The following TMIGD3 variants were observed in gnomAD, a reference collection of about 807,000 sequenced individuals.
The protein encoded by TMIGD3 is AD026 protein (AD026).
Under a neutral mutation model 28.1 loss-of-function variants are expected in TMIGD3, and 21 were observed. The observed-to-expected ratio is 0.75, with a 90% CI of 0.53 to 1.08. TMIGD3 has a LOEUF of 1.08. Among genes scored for constraint, TMIGD3 ranks in the 50% least tolerant of loss-of-function variants. The pLI, the probability that TMIGD3 is intolerant of heterozygous loss-of-function variation, is 0.00. For missense variants in TMIGD3, 416 were observed against 435.6 expected (o/e 0.96, Z 0.40); for synonymous variants, 151 against 162.1 (o/e 0.93, Z 0.52).
chr1:111,556,901 T>TTA (rs140554076), intron 1 of TMIGD3, among the ~76,000 whole-genome samples: 50,099 of 148,146 alleles, frequency 0.34, 9,258 homozygotes, highest in Non-Finnish European at 0.43. Context: ...ACATTTTACA[T>TTA]TATATATATG....
chr1:111,543,422 G>T (rs975631351), intron 1 of TMIGD3, among the ~76,000 whole-genome samples: 16 of 152,058 alleles, frequency 1.1e-4, no homozygotes, highest in African/African-American at 3.6e-4. Context: ...CCGTCTATTC[G>T]CCACTCAGCA....
intron 1 of TMIGD3, among the ~76,000 whole-genome samples, chr1:111,558,486 G>A (rs1300360756): frequency 3.3e-5 from 5 of 152,044 alleles, no homozygotes; most frequent in Admixed American, 6.6e-5. Context: ...AGCACCTGGA[G>A]GGAAATAATT....
At chr1:111,513,716 C>T (rs577351803) in intron 1 of TMIGD3, among the ~76,000 whole-genome samples, 35 of 152,198 alleles carry the variant, frequency 2.3e-4, no homozygotes, top group Non-Finnish European at 4.7e-4. Flanking sequence ...GATGGTCCAT[C>T]CTATGCCCCC....
chr1:111,550,814 T>A (rs1165475938), intron 1 of TMIGD3, among the ~76,000 whole-genome samples: 2 of 152,208 alleles, frequency 1.3e-5, no homozygotes, highest in Non-Finnish European at 2.9e-5. Flanking sequence ...CTTAATGTGG[T>A]CAGAGAACAT....
At chr1:111,556,288 G>T (rs995905381) in intron 1 of TMIGD3, among the ~76,000 whole-genome samples, 2 of 152,136 alleles carry the variant, frequency 1.3e-5, no homozygotes, top group Non-Finnish European at 1.5e-5. Context: ...TATTGGTGAG[G>T]CTATAGAGAA....
At chr1:111,542,993 G>T (rs992542834) in intron 1 of TMIGD3, among the ~76,000 whole-genome samples, 3 of 152,206 alleles carry the variant, frequency 2.0e-5, no homozygotes, top group African/African-American at 7.2e-5. Flanking sequence ...GAGCCATGGC[G>T]CCCGGCCATG....
intron 1 of TMIGD3, among the ~76,000 whole-genome samples, chr1:111,510,291 G>A (rs1054213606): frequency 6.6e-6 from 1 of 152,040 alleles, no homozygotes; most frequent in African/African-American, 2.4e-5. Context: ...CTGCTGAAAT[G>A]TCTTCCCAGA....
chr1:111,499,488 C>T, intron 1 of TMIGD3: 1 of 992,820 alleles, frequency 1.0e-6, no homozygotes, highest in Non-Finnish European at 1.2e-6. Flanking sequence ...AGTTTAAGTC[C>T]CCCTTAAACT....
chr1:111,485,692 A>AT (rs749704635), intron 5 of TMIGD3, 48 bp downstream of exon 5: 1 of 1,407,726 alleles, frequency 7.1e-7, no homozygotes, highest in South Asian at 1.2e-5. Context: ...GACCTCTTTC[A>AT]TTTTCTCTAA....
intron 1 of TMIGD3, among the ~76,000 whole-genome samples, chr1:111,536,527 A>G (rs1656644446): frequency 6.6e-6 from 1 of 152,212 alleles, no homozygotes; most frequent in Non-Finnish European, 1.5e-5. Flanking sequence ...ACTCAGGAGA[A>G]AGAAGCAAAA....
intron 1 of TMIGD3, among the ~76,000 whole-genome samples, chr1:111,521,407 C>T (rs1454267487): frequency 3.9e-5 from 6 of 152,088 alleles, no homozygotes; most frequent in African/African-American, 1.4e-4. Context: ...AATGAGAGTT[C>T]CAGTTTCTCC....
Position 111,530,070 on chromosome 1 carries a change from C to T in TMIGD3, c.107+33776G>A, listed in dbSNP as rs570111593. On this transcript the variant is annotated intron_variant, in intron 1 of 5. Coordinates refer to the TMIGD3 transcript ENST00000369717. ...GGGGCTCCTCACTTCCCAGTAGGGG[C>T]GGCCGGGCAGAGGCGCCCCTCTGTA... Among the ~76,000 whole-genome samples the T allele has an allele frequency of 5.3e-5, 8 of 151,486 alleles. No individual in the cohort carries two copies. In the South Asian group the frequency reaches 6.3e-4, roughly 12 times the overall value.
intron 1 of TMIGD3, among the ~76,000 whole-genome samples, chr1:111,494,159 C>T (rs1478664321): frequency 6.6e-6 from 1 of 152,198 alleles, no homozygotes; most frequent in Non-Finnish European, 1.5e-5. Context: ...CTATCTTAAG[C>T]CAGAAAGCCA....
intron 1 of TMIGD3, among the ~76,000 whole-genome samples, chr1:111,540,399 T>C (rs1178594403): frequency 6.6e-6 from 1 of 152,232 alleles, no homozygotes; most frequent in African/African-American, 2.4e-5. Flanking sequence ...CTCCACCTCC[T>C]CCTGGATCTT....
chr1:111,541,781 G>A (rs567915441), intron 1 of TMIGD3, among the ~76,000 whole-genome samples: 88 of 152,264 alleles, frequency 5.8e-4, no homozygotes, highest in African/African-American at 1.4e-3. Flanking sequence ...CGAGGGGCCC[G>A]TAAAAGAGCC....
At chr1:111,561,549 A>T (rs546259410) in intron 1 of TMIGD3, among the ~76,000 whole-genome samples, 1 of 152,284 alleles carries the variant, frequency 6.6e-6, no homozygotes, top group Non-Finnish European at 1.5e-5. Flanking sequence ...ACAGACTGAG[A>T]TACAGAGGTC....
chr1:111,539,945 C>A (rs1186254447), intron 1 of TMIGD3, among the ~76,000 whole-genome samples: 1 of 152,054 alleles, frequency 6.6e-6, no homozygotes, highest in African/African-American at 2.4e-5. Context: ...TGGTGCGTGA[C>A]TAATGATAAA....
chr1:111,488,786 C>G lies in TMIGD3; in HGVS notation c.696G>C (p.Trp232Cys), dbSNP rs1654510340. ...MSCLTKEDTG[W>C]YWCGIQRDFA... ...AGTCCCGCTGGATGCCACACCAGTA[C>G]CAGCCCGTGTCCTCTTTGGTCAGGC... Residue 232 changes from tryptophan to cysteine, a missense_variant, in exon 3 of 6, where the codon TGG (tryptophan) becomes TGC (cysteine). By Grantham distance (215) the Trp-to-Cys change is radical (BLOSUM62 -2). Coordinates refer to ENST00000369716, the MANE Select transcript of TMIGD3 (RefSeq NM_020683.7). 1.2e-6 allele frequency: 2 copies of G among 1,614,208 alleles called. No homozygotes were observed. Among genetic ancestry groups the G allele is most frequent in the East Asian group, 4.5e-5 (2 of 44,892 alleles).
chr1:111,494,621 T>G (rs1441959086), intron 1 of TMIGD3, among the ~76,000 whole-genome samples: 1 of 152,150 alleles, frequency 6.6e-6, no homozygotes, highest in Admixed American at 6.5e-5. Flanking sequence ...ATTTACAGAT[T>G]CAATGTGATT....
Sources: allele counts gnomAD v4.1 joint callset (sites outside exome capture counted in the v4.1 genomes callset), GRCh38; gene constraint gnomAD v4.1.1; transcripts MANE v1.5; gene names NCBI Gene and HGNC (gene_info 2026-07-23, HGNC 2026-07-21).